The following SKAP2 variants were observed in gnomAD, a reference collection of about 807,000 sequenced individuals.
SKAP2 encodes src kinase associated phosphoprotein 2.
In SKAP2, 28 loss-of-function variants were observed where a neutral mutation model predicts 54.9. The ratio of observed to expected loss-of-function variants is 0.51; its 90% confidence interval spans 0.38 to 0.70. The LOEUF is 0.70. Ranked by LOEUF, SKAP2 falls within the 30% of genes least tolerant of loss-of-function variation. The pLI is 0.00. For synonymous variants in SKAP2, 137 were observed against 134.3 expected, an observed-to-expected ratio of 1.02 and a Z score of -0.14; for missense variants, 356 against 424.1, an observed-to-expected ratio of 0.84 and a Z score of 1.41.
At chr7:26,848,141 T>C (rs1206140511) in intron 3 of SKAP2, 2 of 152,214 alleles carry the variant, frequency 1.3e-5, no homozygotes, top group Admixed American at 6.5e-5. Context: ...TATGGTTCAT[T>C]ATCAATTAAC....
chr7:26,740,155 A>T (rs992676129), intron 4 of SKAP2, among the ~76,000 whole-genome samples, 191 bp from the exon 5 acceptor site: 4 of 17,402 alleles, frequency 2.3e-4, no homozygotes, highest in Admixed American at 5.9e-4. Context: ...CAAAAGTAAA[A>T]AAAAAAAAAA....
At chr7:26,699,346 C>G (rs1407894697) in intron 9 of SKAP2, among the ~76,000 whole-genome samples, 1 of 152,068 alleles carries the variant, frequency 6.6e-6, no homozygotes, top group African/African-American at 2.4e-5. Context: ...ATATGAAACT[C>G]TATTGTCTTC....
intron 3 of SKAP2, among the ~76,000 whole-genome samples, chr7:26,844,472 C>T (rs746557943): frequency 6.2e-4 from 94 of 150,636 alleles, no homozygotes; most frequent in Non-Finnish European, 2.2e-4. Flanking sequence ...TATATCCAAA[C>T]GAACAAAACC....
intron 4 of SKAP2, among the ~76,000 whole-genome samples, chr7:26,792,743 G>C (rs1268227723): frequency 6.6e-6 from 1 of 152,158 alleles, no homozygotes; most frequent in Non-Finnish European, 1.5e-5. Context: ...TCAATTAAAT[G>C]ATTTCCCTGC....
intron 4 of SKAP2, among the ~76,000 whole-genome samples, chr7:26,796,969 A>G (rs1423829624): frequency 6.6e-6 from 1 of 152,202 alleles, no homozygotes; most frequent in Non-Finnish European, 1.5e-5. Context: ...ATTTGGGCAA[A>G]TGGTCATAAT....
chr7:26,843,991 T>G (rs1299600736), intron 4 of SKAP2, 39 bp downstream of exon 4: 27 of 1,232,624 alleles, frequency 2.2e-5, no homozygotes, highest in Non-Finnish European at 3.1e-5. Flanking sequence ...AGCATTGTTT[T>G]GTGTGAGTGT....
intron 4 of SKAP2, among the ~76,000 whole-genome samples, chr7:26,796,978 A>G (rs1208196640): frequency 6.6e-6 from 1 of 152,216 alleles, no homozygotes; most frequent in Non-Finnish European, 1.5e-5. Context: ...AATGGTCATA[A>G]TAGGTTAAGA....
At chr7:26,837,583 T>C (rs1020623462) in intron 4 of SKAP2, among the ~76,000 whole-genome samples, 45 of 152,226 alleles carry the variant, frequency 3.0e-4, no homozygotes, top group African/African-American at 1.0e-3. Flanking sequence ...CACGAGGCCA[T>C]GAGGGATTTG....
chr7:26,790,608 T>A (rs1232596731), intron 4 of SKAP2, among the ~76,000 whole-genome samples: 1 of 152,236 alleles, frequency 6.6e-6, no homozygotes, highest in African/African-American at 2.4e-5. Flanking sequence ...AACATTCATA[T>A]GTTGGTCATT....
chr7:26,699,217 C>G (rs1039286251), intron 9 of SKAP2, among the ~76,000 whole-genome samples: 2 of 152,164 alleles, frequency 1.3e-5, no homozygotes, highest in Non-Finnish European at 2.9e-5. Flanking sequence ...AGAATACCTA[C>G]AATTACCTGC....
At chr7:26,730,399 A>T (rs956494485) in intron 6 of SKAP2, among the ~76,000 whole-genome samples, 2 of 152,236 alleles carry the variant, frequency 1.3e-5, no homozygotes, top group Non-Finnish European at 2.9e-5. Flanking sequence ...ACAAATAGCA[A>T]AAGCTTATTC....
intron 9 of SKAP2, among the ~76,000 whole-genome samples, chr7:26,723,877 T>C (rs1425535321): frequency 6.6e-6 from 1 of 152,198 alleles, no homozygotes; most frequent in Non-Finnish European, 1.5e-5. Context: ...GTATACATTC[T>C]CACAAGTTCT....
chr7:26,846,680 G>A (rs1304577264), intron 3 of SKAP2, among the ~76,000 whole-genome samples: 1 of 152,104 alleles, frequency 6.6e-6, no homozygotes, highest in Non-Finnish European at 1.5e-5. Flanking sequence ...CATGGTTTCG[G>A]TTTTTATTTT....
intron 9 of SKAP2, among the ~76,000 whole-genome samples, chr7:26,711,721 G>C (rs892494132): frequency 1.3e-5 from 2 of 152,128 alleles, no homozygotes; most frequent in Admixed American, 6.5e-5. Flanking sequence ...TTTACTAGGG[G>C]TTGGGAACTC....
chr7:26,701,027 T>C (rs968041057), intron 9 of SKAP2, among the ~76,000 whole-genome samples: 1 of 152,212 alleles, frequency 6.6e-6, no homozygotes, highest in African/African-American at 2.4e-5. Flanking sequence ...TCTCACAGAC[T>C]TGGTCCAGGC....
At chr7:26,850,017 C>T (rs1471457187) in intron 3 of SKAP2, among the ~76,000 whole-genome samples, 1 of 152,126 alleles carries the variant, frequency 6.6e-6, no homozygotes. Flanking sequence ...CAAGACACAA[C>T]TATAGCCCAA....
intron 4 of SKAP2, among the ~76,000 whole-genome samples, chr7:26,776,275 C>G (rs1024561342): frequency 2.0e-5 from 3 of 152,100 alleles, no homozygotes; most frequent in African/African-American, 7.2e-5. Flanking sequence ...ATTCTACACA[C>G]CCTCCCAGTG....
At chr7:26,801,533 A>C (rs55904994) in intron 4 of SKAP2, among the ~76,000 whole-genome samples, 45,346 of 152,024 alleles carry the variant, frequency 0.3, 7,058 homozygotes, top group Middle Eastern at 0.37. Context: ...GAAAGAAATA[A>C]AGGCATCCAA....
intron 4 of SKAP2, among the ~76,000 whole-genome samples, chr7:26,776,300 C>T (rs1241314230): frequency 6.6e-6 from 1 of 152,150 alleles, no homozygotes; most frequent in Non-Finnish European, 1.5e-5. Context: ...TTTACCCACA[C>T]TTATAACTTC....
Sources: allele counts gnomAD v4.1 joint callset (sites outside exome capture counted in the v4.1 genomes callset), GRCh38; gene constraint gnomAD v4.1.1; transcripts MANE v1.5; gene names NCBI Gene and HGNC (gene_info 2026-07-23, HGNC 2026-07-21).